Variants in VRK2 observed in about 807,000 individuals in gnomAD.
The protein encoded by VRK2 is VRK serine/threonine kinase 2.
VRK2 carries 60 observed loss-of-function variants against 57.6 expected under a neutral mutation model. The observed-to-expected ratio is 1.04, with a 90% confidence interval of 0.85 to 1.29. The LOEUF is 1.29. VRK2 is among the 50% of genes most tolerant of loss of function. The pLI is 0.00. For missense variants in VRK2, 705 were observed against 588.1 expected (o/e 1.20, Z -2.06); for synonymous variants, 231 against 199.2 (o/e 1.16, Z -1.35).
intron 1 of VRK2, among the ~76,000 whole-genome samples, chr2:58,019,273 C>G (rs531700832): frequency 1.3e-5 from 2 of 152,176 alleles, no homozygotes; most frequent in Non-Finnish European, 2.9e-5. Context: ...ACTATTAATA[C>G]TTTAAGTGTC....
At chr2:58,144,850 A>G (rs1221116379) in intron 11 of VRK2, among the ~76,000 whole-genome samples, 2 of 152,008 alleles carry the variant, frequency 1.3e-5, no homozygotes, top group Admixed American at 1.3e-4. Flanking sequence ...GGAGGGTAGA[A>G]TAGAGTGGTG....
Position 57,951,679 on chromosome 2 carries a change from G to A in VRK2, c.-439+43840G>A, listed in dbSNP as rs977555466. Among the ~76,000 whole-genome samples, 19 of 152,140 alleles carry A rather than the reference G, an allele frequency of 1.2e-4. 2 individuals carry two copies. Among genetic ancestry groups the A allele is most frequent in the Admixed American group, 1.2e-3 (19 of 15,266 alleles). ...ATCATCAGCAGTCATGTACACTGAG[G>A]CAAGACCCTCTACCAGCAAAACAAT... On this transcript the variant is annotated intron_variant, in intron 1 of 15. Coordinates refer to the VRK2 transcript ENST00000417641.
chr2:58,089,586 G>A (rs757208080), intron 6 of VRK2, 45 bp from the exon 7 acceptor site: 1 of 1,259,110 alleles, frequency 7.9e-7, no homozygotes, highest in Non-Finnish European at 1.1e-6. Flanking sequence ...TTGATCATGA[G>A]TTCTAAATAG....
chr2:58,136,434 G>C (rs1265762334), intron 10 of VRK2, among the ~76,000 whole-genome samples: 2 of 151,112 alleles, frequency 1.3e-5, no homozygotes, highest in African/African-American at 2.4e-5. Flanking sequence ...ACCCAGGCTG[G>C]AGTGCAGTGG....
At chr2:58,087,286 A>T (rs868002960) in intron 5 of VRK2, among the ~76,000 whole-genome samples, 29 of 152,282 alleles carry the variant, frequency 1.9e-4, no homozygotes, top group African/African-American at 6.3e-4. Context: ...CTTTAAATTT[A>T]AAAAAATGAG....
rs1553370113 is a variant in VRK2, at chr2:57,975,770, T to TA, written c.-438-49894dup. On this transcript the variant is annotated intron_variant, in intron 1 of 15. Transcript: ENST00000417641. ...GTTTTCTCTCTCTCTTTTTTTTTTT[T>TA]ACTTTTATTTTTGGTTCAGTTGGGT... Among the ~76,000 whole-genome samples the TA allele has an allele frequency of 7.9e-5, 12 of 151,904 alleles. No homozygotes were observed. In the South Asian group the frequency reaches 1.0e-3, roughly 13 times the overall value.
intron 1 of VRK2, among the ~76,000 whole-genome samples, chr2:57,993,752 A>C (rs1159423515): frequency 6.6e-6 from 1 of 152,216 alleles, no homozygotes; most frequent in Non-Finnish European, 1.5e-5. Flanking sequence ...GGGGGCTGAG[A>C]TCACAGAGTT....
At chr2:57,957,077 A>G (rs771281209) in intron 1 of VRK2, among the ~76,000 whole-genome samples, 38 of 151,624 alleles carry the variant, frequency 2.5e-4, no homozygotes, top group Non-Finnish European at 5.1e-4. Flanking sequence ...AGGAGGTGAG[A>G]AAAAAAAGGA....
chr2:58,063,172 AT>A lies in VRK2; in HGVS notation c.136+14216del, dbSNP rs963885919. Among the ~76,000 whole-genome samples the A allele has an allele frequency of 4.1e-4, 58 of 140,214 alleles. 1 individual carries two copies. Among genetic ancestry groups the A allele is most frequent in the Admixed American group, 4.3e-4 (6 of 13,988 alleles). The allele number at this position is 140,214 out of a possible 152,430, so 92.0% of individuals were successfully genotyped here. On this transcript the variant is annotated intron_variant, in intron 2 of 12. Coordinates refer to ENST00000340157, the MANE Select transcript of VRK2 (RefSeq NM_006296.7). ...CATCTTTTTACAGCATGGTTTACTG[AT>A]TTTTTTTTTTAGTTTTATTTTTCTT...
At chr2:57,909,083 T>G (rs1236633799) in intron 1 of VRK2, among the ~76,000 whole-genome samples, 1 of 152,192 alleles carries the variant, frequency 6.6e-6, no homozygotes, top group South Asian at 2.1e-4. Flanking sequence ...GCCTCCCCTT[T>G]GCATTCCCTC....
At chr2:58,032,912 A>C (rs1468085171) in intron 2 of VRK2, among the ~76,000 whole-genome samples, 2 of 152,076 alleles carry the variant, frequency 1.3e-5, no homozygotes, top group Non-Finnish European at 2.9e-5. Context: ...TAAGTAGCAA[A>C]TCTGCTTCAC....
intron 1 of VRK2, among the ~76,000 whole-genome samples, chr2:57,994,448 T>G (rs571539152): frequency 1.3e-5 from 2 of 152,310 alleles, no homozygotes; most frequent in East Asian, 3.9e-4. Context: ...ACATCTACTG[T>G]CTACACAGTT....
intron 1 of VRK2, among the ~76,000 whole-genome samples, chr2:57,991,956 C>CAAA (rs111539756): frequency 3.1e-4 from 31 of 101,634 alleles, no homozygotes; most frequent in African/African-American, 4.9e-4. Flanking sequence ...GACTCCAACT[C>CAAA]AAAAAAAAAA....
At chr2:57,918,772 G>C (rs957373389) in intron 1 of VRK2, among the ~76,000 whole-genome samples, 1 of 152,034 alleles carries the variant, frequency 6.6e-6, no homozygotes, top group African/African-American at 2.4e-5. Context: ...GTAATCCAAA[G>C]GCATCTATTG....
intron 1 of VRK2, among the ~76,000 whole-genome samples, chr2:57,998,699 TC>T (rs1672998311): frequency 6.6e-6 from 1 of 152,196 alleles, no homozygotes. Flanking sequence ...TTTCTGTTCT[TC>T]AGATCACCAT....
At chr2:57,972,905 T>C (rs1285328039) in intron 1 of VRK2, among the ~76,000 whole-genome samples, 1 of 151,922 alleles carries the variant, frequency 6.6e-6, no homozygotes, top group Non-Finnish European at 1.5e-5. Context: ...TTGTGTACAA[T>C]AGTTCAATCA....
intron 2 of VRK2, among the ~76,000 whole-genome samples, chr2:58,049,442 G>A (rs937061450): frequency 1.3e-5 from 2 of 152,066 alleles, no homozygotes; most frequent in Non-Finnish European, 2.9e-5. Context: ...CTTCTCTCTC[G>A]TGCATCTAGA....
chr2:58,141,791 C>T (rs1007361044), intron 11 of VRK2, among the ~76,000 whole-genome samples: 2 of 151,902 alleles, frequency 1.3e-5, no homozygotes, highest in Non-Finnish European at 2.9e-5. Flanking sequence ...CAAGGTATGA[C>T]AGTATAAACC....
chr2:58,025,655 T>C (rs1279875555), intron 1 of VRK2: 2 of 152,228 alleles, frequency 1.3e-5, no homozygotes, highest in Non-Finnish European at 2.9e-5. Flanking sequence ...GGCCTGAACT[T>C]ATTTTTCAGA....
Sources: gnomAD v4.1 joint callset for allele counts (sites outside exome capture counted in the v4.1 genomes callset) on GRCh38, gnomAD v4.1.1 for gene constraint, MANE v1.5 for transcripts, NCBI Gene and HGNC (gene_info 2026-07-23, HGNC 2026-07-21) for gene names.